Variants in ERLEC1 observed in about 807,000 individuals in gnomAD.
ERLEC1 encodes endoplasmic reticulum lectin 1, also known as ER lectin.
In ERLEC1, 47 loss-of-function variants were observed where a neutral mutation model predicts 68.0. That is an observed-to-expected ratio of 0.69 (90% CI 0.55 to 0.88). The LOEUF is 0.88. ERLEC1 is among the 40% of genes least tolerant of loss of function. ERLEC1 has a pLI of 0.00. For missense variants in ERLEC1, 567 were observed against 583.8 expected, an observed-to-expected ratio of 0.97 and a Z score of 0.30; for synonymous variants, 225 against 203.2, an observed-to-expected ratio of 1.11 and a Z score of -0.91.
chr2:53,799,822 C>G, intron 6 of ERLEC1, among the ~76,000 whole-genome samples: 1 of 151,966 alleles, frequency 6.6e-6, no homozygotes, highest in Non-Finnish European at 1.5e-5. Flanking sequence ...ACTTGATAAG[C>G]TAAGCAGAGA....
At chr2:53,800,119 G>A (rs1471489778) in intron 6 of ERLEC1, among the ~76,000 whole-genome samples, 1 of 152,108 alleles carries the variant, frequency 6.6e-6, no homozygotes, top group African/African-American at 2.4e-5. Context: ...TGAGAATTAT[G>A]TGGTTACGTG....
At chr2:53,806,896 A>G (rs1676324902) in intron 8 of ERLEC1, among the ~76,000 whole-genome samples, 1 of 152,084 alleles carries the variant, frequency 6.6e-6, no homozygotes, top group South Asian at 2.1e-4. Context: ...ACCAGATCCT[A>G]ATTTTTTAAC....
chr2:53,807,145 A>G (rs1226355921), intron 8 of ERLEC1, among the ~76,000 whole-genome samples: 1 of 152,182 alleles, frequency 6.6e-6, no homozygotes, highest in East Asian at 1.9e-4. Context: ...TTAGTTTTCT[A>G]CCATATAGCA....
At chr2:53,805,486 A>T (rs948302054) in intron 8 of ERLEC1, among the ~76,000 whole-genome samples, 1 of 152,086 alleles carries the variant, frequency 6.6e-6, no homozygotes, top group African/African-American at 2.4e-5. Flanking sequence ...CCAAAGTGCT[A>T]GGATTACAGG....
At chr2:53,797,915 G>A (rs1204016914) in intron 5 of ERLEC1, 120 bp downstream of exon 5, 1 of 903,570 alleles carries the variant, frequency 1.1e-6, no homozygotes, top group East Asian at 2.5e-5. Context: ...TACTGAAATA[G>A]GCTGGGCGCG....
chr2:53,795,785 G>A (rs1478421785), intron 2 of ERLEC1, 148 bp from the exon 3 acceptor site: 10 of 528,466 alleles, frequency 1.9e-5, no homozygotes, highest in South Asian at 2.7e-5. Context: ...AAGCAATGGC[G>A]TACCGTAGGG....
Position 53,808,336 on chromosome 2 carries a change from C to T in ERLEC1, c.917C>T (p.Ala306Val), listed in dbSNP as rs138514314. 183 of 1,613,912 alleles carry T rather than the reference C, an allele frequency of 1.1e-4. No homozygotes were observed. The highest frequency in any genetic ancestry group is 1.4e-4 in the Non-Finnish European group (170 of 1,180,012). ...TCAACTAAAGAAGAGAGATTTCCAGCGATCCACAAGTCGATTGCTATTGGC... is the reference window on the plus strand; with the variant it reads ...TCAACTAAAGAAGAGAGATTTCCAGTGATCCACAAGTCGATTGCTATTGGC... ...LQSTKEERFP[A>V]IHKSIAIGSQ... is the part of the protein sequence containing the mutation. The change falls in exon 9 of 14, where the codon GCG becomes GTG. Residue 306 changes from alanine to valine, a missense_variant. Coordinates refer to ENST00000185150, the MANE Select transcript of ERLEC1 (RefSeq NM_015701.5).
chr2:53,814,754 T>C (rs1483378515), intron 12 of ERLEC1, 106 bp from the exon 13 acceptor site: 4 of 993,694 alleles, frequency 4.0e-6, no homozygotes, highest in Non-Finnish European at 6.2e-6. Flanking sequence ...AAAATTATAT[T>C]AAATCATACA....
rs1675876246 is a variant in ERLEC1, at chr2:53,799,163, A to G, written c.525+82A>G. ...ATTTATATAACCCAAGTGACAGAAT[A>G]TATCTTTATGTTCTTATTCTTCATC... On this transcript the variant is annotated intron_variant, in intron 6 of 13. Transcript: ENST00000185150. 4 of 1,180,120 alleles carry G rather than the reference A, an allele frequency of 3.4e-6. 1 individual carries two copies. The highest frequency in any genetic ancestry group is 2.7e-5 in the South Asian group (2 of 74,224). The allele number at this position is 1,180,120 out of a possible 1,614,324, so 73.1% of individuals were successfully genotyped here. A position where few individuals can be genotyped will look rare whatever the true frequency, so the allele number is the denominator to read the frequency against.
intron 1 of ERLEC1, chr2:53,787,726 T>C (rs1675136323): frequency 4.8e-6 from 1 of 210,508 alleles, no homozygotes. Flanking sequence ...GGCTCTTACT[T>C]CACCAGCAGA....
In ERLEC1 at chr2:53,794,397, C is replaced by A. The variant is rs756157665; in HGVS notation, c.215C>A (p.Ala72Glu). 1.3e-6 allele frequency: 2 copies of A among 1,590,696 alleles called. No homozygotes were observed. Among genetic ancestry groups the A allele is most frequent in the Non-Finnish European group, 1.7e-6 (2 of 1,167,750 alleles). Residue 72 changes from alanine (A) to glutamate (E), a missense_variant, in exon 2 of 14, where the codon GCA becomes GAA. By Grantham distance (107) the Ala-to-Glu change is moderately radical. Transcript: ENST00000185150. ...GATAATTATGTCATCATGACAACTGCACATAAAGAAAAATATAAATGCATA... is the reference window on the plus strand; with the variant it reads ...GATAATTATGTCATCATGACAACTGAACATAAAGAAAAATATAAATGCATA... ...KEDNYVIMTT[A>E]HKEKYKCILP...
At chr2:53,814,361 A>C (rs892016945) in intron 11 of ERLEC1, among the ~76,000 whole-genome samples, 182 bp from the exon 12 acceptor site, 1 of 152,230 alleles carries the variant, frequency 6.6e-6, no homozygotes, top group Non-Finnish European at 1.5e-5. Context: ...TCTTTATAGA[A>C]TCCAAGAGAA....
chr2:53,791,963 G>A (rs534839732), intron 1 of ERLEC1, among the ~76,000 whole-genome samples: 1 of 148,032 alleles, frequency 6.8e-6, no homozygotes, highest in East Asian at 2.1e-4. Context: ...CCAGGCTAGA[G>A]TGCAGTGGCG....
At chr2:53,789,682 T>G (rs972917383) in intron 1 of ERLEC1, among the ~76,000 whole-genome samples, 4 of 152,148 alleles carry the variant, frequency 2.6e-5, no homozygotes, top group African/African-American at 9.7e-5. Flanking sequence ...TCTTTTGATT[T>G]TTTTTAATAC....
intron 1 of ERLEC1, among the ~76,000 whole-genome samples, chr2:53,792,057 G>A (rs556046685): frequency 6.6e-5 from 10 of 151,930 alleles, no homozygotes; most frequent in Admixed American, 5.2e-4. Flanking sequence ...GAGTACAGGC[G>A]CCCGCCACCA....
Position 53,787,379 on chromosome 2 carries a change from G to C in ERLEC1, c.162+7G>C, listed in dbSNP as rs1335409129. 6.2e-7 allele frequency: 1 copy of C among 1,605,288 alleles called. No individual in the cohort carries two copies. Among genetic ancestry groups the C allele is most frequent in the African/African-American group, 1.3e-5 (1 of 74,920 alleles). ...CGGCACCGAGTTCTCTCTGGTCAGT[G>C]CCCTCACTAACCCCGCAGCCACCCC... On this transcript the variant is annotated splice_region_variant and intron_variant, in intron 1 of 13. Transcript: ENST00000185150.
rs552246329 is a variant in ERLEC1, at chr2:53,813,575, C to G, written c.1226+502C>G. Among the ~76,000 whole-genome samples, 10 of 152,242 alleles carry G rather than the reference C, an allele frequency of 6.6e-5. No homozygotes were observed. In the South Asian group the frequency reaches 2.1e-3, roughly 32 times the overall value. On this transcript the variant is annotated intron_variant, in intron 11 of 13. Transcript: ENST00000185150. ...TCTCTTTTAGGATATATGAGTATAC[C>G]TTGTCAAAACACCAGTAAGTTAATC... is the stretch of plus-strand genomic sequence containing the variant.
At chr2:53,793,425 A>G (rs1319184655) in intron 1 of ERLEC1, among the ~76,000 whole-genome samples, 2 of 152,202 alleles carry the variant, frequency 1.3e-5, no homozygotes, top group African/African-American at 4.8e-5. Flanking sequence ...AGGTTCTATT[A>G]GTACATCATC....
At chr2:53,792,695 T>A (rs941497217) in intron 1 of ERLEC1, among the ~76,000 whole-genome samples, 3 of 152,204 alleles carry the variant, frequency 2.0e-5, no homozygotes, top group African/African-American at 7.2e-5. Context: ...ATTACAGTGG[T>A]GCCAAGTAGT....
Sources: allele counts gnomAD v4.1 joint callset (sites outside exome capture counted in the v4.1 genomes callset), GRCh38; gene constraint gnomAD v4.1.1; transcripts MANE v1.5; gene names NCBI Gene and HGNC (gene_info 2026-07-23, HGNC 2026-07-21).